Variants in PIGH observed in about 807,000 individuals in gnomAD.
PIGH encodes phosphatidylinositol N-acetylglucosaminyltransferase subunit H.
In PIGH, 11 loss-of-function variants were observed where a neutral mutation model predicts 20.1. That is an observed-to-expected ratio of 0.55 (90% CI 0.34 to 0.91). PIGH has a LOEUF of 0.91. Ranked by LOEUF, PIGH falls within the 40% of genes least tolerant of loss-of-function variation. PIGH has a pLI of 0.02. For synonymous variants in PIGH, 72 were observed against 93.1 expected (o/e 0.77, Z 1.31); for missense variants, 189 against 233.6 (o/e 0.81, Z 1.24).
chr14:67,591,966 C>T (rs2036378500), intron 3 of PIGH: 1 of 151,426 alleles, frequency 6.6e-6, no homozygotes, highest in South Asian at 2.1e-4. Context: ...AATATAATGG[C>T]CTTTGTAGGA....
chr14:67,594,586 G>C (rs1197767613), intron 1 of PIGH, among the ~76,000 whole-genome samples: 1 of 152,014 alleles, frequency 6.6e-6, no homozygotes, highest in African/African-American at 2.4e-5. Context: ...GGCGGAGGCG[G>C]AGGTTGCAGT....
At chr14:67,594,099 G>A (rs1201803955) in intron 1 of PIGH, 147 bp from the exon 2 acceptor site, 6 of 614,744 alleles carry the variant, frequency 9.8e-6, no homozygotes, top group Non-Finnish European at 1.7e-5. Flanking sequence ...AACAGATCCA[G>A]ACAACAAATG....
chr14:67,590,040 C>T lies in PIGH; in HGVS notation c.*40G>A, dbSNP rs1405870236. 6 of 1,535,966 alleles carry T rather than the reference C, an allele frequency of 3.9e-6. No individual in the cohort carries two copies. In the Admixed American group the frequency reaches 1.3e-4, roughly 32 times the overall value. Reference sequence around the variant, plus strand: ...CCAGCCCCTATGGCTTAAGAGTCATCTCCCATGGAAGACAATGCTGGCCTT... The same window carrying T: ...CCAGCCCCTATGGCTTAAGAGTCATTTCCCATGGAAGACAATGCTGGCCTT... On this transcript the variant is annotated 3_prime_UTR_variant, in exon 4 of 4. Transcript: ENST00000216452.
chr14:67,599,491 G>A (rs990815586), intron 1 of PIGH, among the ~76,000 whole-genome samples: 1 of 152,132 alleles, frequency 6.6e-6, no homozygotes, highest in Non-Finnish European at 1.5e-5. Context: ...TGGGAGGAGG[G>A]AGGGTTAAAA....
chr14:67,591,171 A>G (rs528424030), intron 3 of PIGH, among the ~76,000 whole-genome samples: 17 of 152,298 alleles, frequency 1.1e-4, no homozygotes, highest in Admixed American at 7.2e-4. Flanking sequence ...AAGAGGAAAT[A>G]CTGATAGGTA....
At position 67,596,851 on chromosome 14, in the gene PIGH, C is replaced by T. The variant is rs942572917; in HGVS notation, c.181-2899G>A. Among the ~76,000 whole-genome samples the T allele has an allele frequency of 5.9e-5, 9 of 152,356 alleles. No individual in the cohort carries two copies. In the South Asian group the frequency reaches 1.2e-3, roughly 21 times the overall value. On this transcript the variant is annotated intron_variant, in intron 1 of 3. Transcript: ENST00000216452. ...TCCTTGGCTATAAATCTCCACTTGT[C>T]CATGCTATATTCGGAACTGAGGAAA...
rs2036305824 is a variant in PIGH, at chr14:67,589,602, C to G, written c.*478G>C. On this transcript the variant is annotated 3_prime_UTR_variant, in exon 4 of 4. Coordinates refer to ENST00000216452, the MANE Select transcript of PIGH (RefSeq NM_004569.5). ...ATAAGCCCTGTACAGAACACAGGCA[C>G]TAGGTTGACAGACTCGTCTTTTGTA... 1.7e-5 allele frequency: 17 copies of G among 986,090 alleles called. No homozygotes were observed. Among genetic ancestry groups the G allele is most frequent in the Non-Finnish European group, 2.0e-5 (17 of 830,312 alleles). The allele number at this position is 986,090 out of a possible 1,614,324, so 61.1% of individuals were successfully genotyped here.
At position 67,589,774 on chromosome 14, in the gene PIGH, T is replaced by C; in HGVS notation, c.*306A>G. 2 of 1,065,414 alleles carry C rather than the reference T, an allele frequency of 1.9e-6. No individual in the cohort carries two copies. The highest frequency in any genetic ancestry group is 2.3e-6 in the Non-Finnish European group (2 of 882,366). 66.0% of individuals were successfully genotyped at this position (1,065,414 alleles called of 1,614,324 possible). On this transcript the variant is annotated 3_prime_UTR_variant, in exon 4 of 4. Coordinates refer to ENST00000216452, the MANE Select transcript of PIGH (RefSeq NM_004569.5). ...TTCACAAACATCAACAAAGTAAACCTGAACATGCTTAGCAATTTCCGAAAG... is the reference window on the plus strand; with the variant it reads ...TTCACAAACATCAACAAAGTAAACCCGAACATGCTTAGCAATTTCCGAAAG...
intron 1 of PIGH, among the ~76,000 whole-genome samples, chr14:67,596,467 G>A (rs754883586): frequency 5.3e-5 from 8 of 151,856 alleles, no homozygotes; most frequent in Non-Finnish European, 1.0e-4. Context: ...GACTGGCACA[G>A]GAAAAAAATT....
chr14:67,600,161 G>A lies in PIGH; in HGVS notation c.43C>T (p.Leu15=). 1.3e-6 allele frequency: 2 copies of A among 1,589,562 alleles called. No individual in the cohort carries two copies. The highest frequency in any genetic ancestry group is 1.7e-6 in the Non-Finnish European group (2 of 1,169,098). Reference sequence around the variant, plus strand: ...GAGTAGTAGCGGCGCTGCAGCGCCAGGCGGCCGCCGCAGATATCCGAAAAG... The same window carrying A: ...GAGTAGTAGCGGCGCTGCAGCGCCAAGCGGCCGCCGCAGATATCCGAAAAG... ...RSFSDICGGR[L]ALQRRYYSPS... Residue 15 remains leucine, a synonymous_variant, in exon 1 of 4, where the codon CTG becomes TTG. Transcript: ENST00000216452.
At chr14:67,597,119 G>A (rs2036489150) in intron 1 of PIGH, among the ~76,000 whole-genome samples, 1 of 152,214 alleles carries the variant, frequency 6.6e-6, no homozygotes, top group African/African-American at 2.4e-5. Flanking sequence ...GTTGTAGAAA[G>A]AAAGAAAAGA....
chr14:67,593,646 G>A (rs2140620799), intron 2 of PIGH, 97 bp downstream of exon 2: 2 of 685,992 alleles, frequency 2.9e-6, no homozygotes, highest in South Asian at 3.5e-5. Flanking sequence ...TTAAATATAA[G>A]TCTCACTTTT....
rs535273569 is a variant in PIGH at position 67,595,030 on chromosome 14, G to A, written c.181-1078C>T. Among the ~76,000 whole-genome samples, 29 of 151,946 alleles carry A rather than the reference G, an allele frequency of 1.9e-4. No individual in the cohort carries two copies. In the East Asian group the frequency reaches 3.1e-3, roughly 16 times the overall value. ...CAGGCACCTGTAGTCCCAGCTACTC[G>A]GGAGGCTGAGGCAGGAGAATGGCGT... On this transcript the variant is annotated intron_variant, in intron 1 of 3. Transcript: ENST00000216452.
rs1223714860 is a variant in PIGH, at chr14:67,590,071, C to T, written c.*9G>A. 1.2e-5 allele frequency: 18 copies of T among 1,548,704 alleles called. No homozygotes were observed. Among genetic ancestry groups the T allele is most frequent in the Non-Finnish European group, 1.4e-5 (16 of 1,146,304 alleles). ...TGGAAGACAATGCTGGCCTTCTGAACGCTGGGGCTCATGGGCTTGTTGATG... is the reference window on the plus strand; with the variant it reads ...TGGAAGACAATGCTGGCCTTCTGAATGCTGGGGCTCATGGGCTTGTTGATG... On this transcript the variant is annotated 3_prime_UTR_variant, in exon 4 of 4. Coordinates refer to ENST00000216452, the MANE Select transcript of PIGH (RefSeq NM_004569.5).
At chr14:67,592,195 G>A in intron 3 of PIGH, 1 of 239,362 alleles carries the variant, frequency 4.2e-6, no homozygotes, top group South Asian at 3.8e-5. Context: ...AACACTTTGG[G>A]AGGCTGAGGC....
At chr14:67,596,599 C>T (rs955556222) in intron 1 of PIGH, among the ~76,000 whole-genome samples, 13 of 152,098 alleles carry the variant, frequency 8.5e-5, no homozygotes, top group African/African-American at 2.9e-4. Flanking sequence ...AGTCAGGTTC[C>T]TCTAAGCTGT....
At position 67,589,689 on chromosome 14, in the gene PIGH, G is replaced by A. The variant is rs895707607; in HGVS notation, c.*391C>T. The A allele has an allele frequency of 1.5e-5, 15 of 993,784 alleles. No individual in the cohort carries two copies. The highest frequency in any genetic ancestry group is 1.7e-5 in the African/African-American group (1 of 57,444). The allele number at this position is 993,784 out of a possible 1,614,324, so 61.6% of individuals were successfully genotyped here. ...GTTTTTTTCGTAACTTTACACAAGG[G>A]GTACTATTGGAAAATATAGCTTTCT... On this transcript the variant is annotated 3_prime_UTR_variant, in exon 4 of 4. Transcript: ENST00000216452.
chr14:67,596,224 G>C (rs2140634796), intron 1 of PIGH, among the ~76,000 whole-genome samples: 1 of 150,326 alleles, frequency 6.7e-6, no homozygotes, highest in African/African-American at 2.4e-5. Flanking sequence ...CACCTCCCGG[G>C]TTCAAGTGAT....
rs554630630 is a variant in PIGH, at chr14:67,593,753, G to T, written c.380C>A (p.Ala127Asp). The T allele has an allele frequency of 1.1e-5, 17 of 1,602,144 alleles. No homozygotes were observed. The highest frequency in any genetic ancestry group is 6.7e-5 in the Admixed American group (4 of 60,002). ...GKVKDIVINE[A>D]IYMQKVIYYL... is the part of the protein sequence containing the mutation. ...CTTTTAAATACTTACCATGTAAATG[G>T]CCTCATTGATGACAATATCCTTGAC... Residue 127 changes from alanine (A) to aspartate (D), a missense_variant, in exon 2 of 4, where the codon GCC becomes GAC. By Grantham distance (126) the Ala-to-Asp change is moderately radical. Transcript: ENST00000216452.
Sources: allele counts gnomAD v4.1 joint callset (sites outside exome capture counted in the v4.1 genomes callset), GRCh38; gene constraint gnomAD v4.1.1; transcripts MANE v1.5; gene names NCBI Gene and HGNC (gene_info 2026-07-23, HGNC 2026-07-21).